Variants in C12orf42 observed in about 807,000 individuals in gnomAD.
C12orf42 encodes the protein chromosome 12 open reading frame 42.
Under a neutral mutation model 21.6 loss-of-function variants are expected in C12orf42, and 25 were observed. The ratio of observed to expected loss-of-function variants is 1.16; its 90% CI spans 0.84 to 1.62. The LOEUF (loss-of-function observed/expected upper bound fraction) is 1.62. Ranked by LOEUF, C12orf42 falls within the 40% of genes most tolerant of loss-of-function variation. The pLI is 0.00. For missense variants in C12orf42, 483 were observed against 459.3 expected (o/e 1.05, Z -0.47); for synonymous variants, 174 against 175.0 (o/e 0.99, Z 0.05).
chr12:103,397,560 T>A (rs571093923), intron 3 of C12orf42: 1 of 152,192 alleles, frequency 6.6e-6, no homozygotes, highest in Non-Finnish European at 1.5e-5. Context: ...AAGAGTTTCA[T>A]CCAGAAACCA....
intron 1 of C12orf42, among the ~76,000 whole-genome samples, chr12:103,494,377 A>G (rs1955375954): frequency 6.6e-6 from 1 of 152,226 alleles, no homozygotes; most frequent in South Asian, 2.1e-4. Flanking sequence ...CAACAGCCAC[A>G]CTATGACATT....
chr12:103,449,943 T>C (rs889495575), intron 2 of C12orf42, among the ~76,000 whole-genome samples: 1 of 151,852 alleles, frequency 6.6e-6, no homozygotes, highest in Non-Finnish European at 1.5e-5. Flanking sequence ...TTATTTAATG[T>C]ATCTTAATAT....
At chr12:103,106,165 G>A in the C12orf42 span, among the ~76,000 whole-genome samples, 3 of 152,064 alleles carry the variant, frequency 2.0e-5, no homozygotes, top group African/African-American at 4.8e-5. Flanking sequence ...AGACTTTCAG[G>A]CAACAAAAAT....
the C12orf42 span, among the ~76,000 whole-genome samples, chr12:103,167,379 C>A: frequency 6.6e-6 from 1 of 152,114 alleles, no homozygotes; most frequent in African/African-American, 2.4e-5. Flanking sequence ...AATTTTGTGT[C>A]CCCCCAAATT....
the C12orf42 span, among the ~76,000 whole-genome samples, chr12:103,543,255 A>T: frequency 6.6e-6 from 1 of 152,226 alleles, no homozygotes; most frequent in East Asian, 1.9e-4. Context: ...TGCAGTTCTC[A>T]GAATGTATTC....
intron 10 of C12orf42, among the ~76,000 whole-genome samples, chr12:103,254,220 T>G (rs1416084899): frequency 6.6e-6 from 1 of 152,164 alleles, no homozygotes; most frequent in Non-Finnish European, 1.5e-5. Flanking sequence ...CCAGCACCAT[T>G]TATTAAATAG....
the C12orf42 span, among the ~76,000 whole-genome samples, chr12:103,118,772 T>TAAAAAAAAAAAAAAAAAA: frequency 2.4e-5 from 1 of 41,658 alleles, no homozygotes; most frequent in African/African-American, 9.2e-5. Context: ...CACTCCAGCC[T>TAAAAAAAAAAAAAAAAAA]AAAAAAAAAA....
the C12orf42 span, among the ~76,000 whole-genome samples, chr12:103,150,428 G>C: frequency 1.3e-5 from 2 of 152,328 alleles, no homozygotes; most frequent in Middle Eastern, 3.4e-3. Flanking sequence ...TTCTGAAAGT[G>C]ATTAGGTAAA....
intron 4 of C12orf42, among the ~76,000 whole-genome samples, chr12:103,294,123 C>T (rs936154052): frequency 6.6e-6 from 1 of 152,124 alleles, no homozygotes; most frequent in African/African-American, 2.4e-5. Flanking sequence ...ACAACCCCAG[C>T]ACCAAGGCCA....
rs116480621 is a variant in C12orf42, at chr12:103,367,567, G to A, written c.259+1320C>T. Among the ~76,000 whole-genome samples, 696 of 151,992 alleles carry A rather than the reference G, an allele frequency of 4.6e-3. 2 individuals carry two copies. Among genetic ancestry groups the A allele is most frequent in the African/African-American group, 0.016 (650 of 41,514 alleles). ...AGTGAAGACTGAGGTGCAGAATACC[G>A]CTGCTCATCTGTATACTTTCATTTG... On this transcript the variant is annotated intron_variant, in intron 4 of 5. Coordinates refer to ENST00000548883, the MANE Select transcript of C12orf42 (RefSeq NM_198521.5).
chr12:103,099,477 C>T, the C12orf42 span, among the ~76,000 whole-genome samples: 1 of 152,140 alleles, frequency 6.6e-6, no homozygotes, highest in East Asian at 1.9e-4. Flanking sequence ...ACACTGAAGA[C>T]ATTCAGAGGC....
At chr12:103,353,470 T>C (rs1387370624) in intron 4 of C12orf42, among the ~76,000 whole-genome samples, 1 of 152,106 alleles carries the variant, frequency 6.6e-6, no homozygotes, top group Admixed American at 6.6e-5. Context: ...CACTTGCCAG[T>C]ACCTCTTCTG....
chr12:103,389,858 C>T (rs1325257624), intron 3 of C12orf42, among the ~76,000 whole-genome samples: 3 of 152,298 alleles, frequency 2.0e-5, no homozygotes, highest in South Asian at 4.1e-4. Flanking sequence ...GTTTTCATAT[C>T]GCCTTGTACC....
At chr12:103,094,333 C>A in the C12orf42 span, among the ~76,000 whole-genome samples, 4 of 152,154 alleles carry the variant, frequency 2.6e-5, no homozygotes, top group East Asian at 7.7e-4. Flanking sequence ...TATGGCTTTA[C>A]TATATAGGTA....
intron 4 of C12orf42, among the ~76,000 whole-genome samples, chr12:103,287,250 C>T (rs2036523884): frequency 1.3e-5 from 2 of 152,194 alleles, no homozygotes; most frequent in Admixed American, 6.5e-5. Context: ...AAGACACATG[C>T]ACATGTATGT....
At chr12:103,299,494 A>T (rs1055638212), downstream of C12orf42, among the ~76,000 whole-genome samples, 1 of 152,172 alleles carries the variant, frequency 6.6e-6, no homozygotes, top group Non-Finnish European at 1.5e-5. Flanking sequence ...TTTCATAAAA[A>T]TATTTTTCCA....
chr12:103,240,164 T>G (rs1427105179), intron 10 of C12orf42, among the ~76,000 whole-genome samples: 1 of 152,198 alleles, frequency 6.6e-6, no homozygotes, highest in Non-Finnish European at 1.5e-5. Flanking sequence ...TGCTAGGCAC[T>G]AAGATAAATC....
upstream of C12orf42, among the ~76,000 whole-genome samples, chr12:103,497,816 G>C (rs896660621): frequency 6.6e-6 from 1 of 152,136 alleles, no homozygotes; most frequent in Non-Finnish European, 1.5e-5. Context: ...CGGATCACTA[G>C]GTCTGGAGAT....
chr12:103,550,583 T>G, the C12orf42 span: 9 of 152,290 alleles, frequency 5.9e-5, 1 homozygote, highest in Admixed American at 2.6e-4. Context: ...TAGTTACAAT[T>G]TACATTTATG....
Sources: allele counts gnomAD v4.1 joint callset (sites outside exome capture counted in the v4.1 genomes callset), GRCh38; gene constraint gnomAD v4.1.1; transcripts MANE v1.5; gene names NCBI Gene and HGNC (gene_info 2026-07-23, HGNC 2026-07-21).